Variants in TCF4 observed in about 807,000 individuals in gnomAD.
The protein encoded by TCF4 is SL3-3 enhancer factor 2.
In TCF4, 3 loss-of-function variants were observed where a neutral mutation model predicts 82.1. The observed-to-expected ratio is 0.04, with a 90% CI of 0.02 to 0.09. The LOEUF is 0.09. TCF4 is among the 10% of genes least tolerant of loss of function. TCF4 has a pLI of 1.00. For synonymous variants in TCF4, 276 were observed against 309.6 expected (o/e 0.89, Z 1.14); for missense variants, 518 against 852.7 (o/e 0.61, Z 4.89).
At position 55,501,244 on chromosome 18, in the gene TCF4, TA is replaced by T. The variant is rs1163126526; in HGVS notation, c.146-37108del. 2.0e-5 allele frequency among the ~76,000 whole-genome samples: 3 copies of T among 152,220 alleles called. No homozygotes were observed. In the East Asian group the frequency reaches 5.8e-4, roughly 29 times the overall value. On this transcript the variant is annotated intron_variant, in intron 3 of 19. Coordinates refer to ENST00000354452, the MANE Select transcript of TCF4 (RefSeq NM_001083962.2). ...ATCAAGCCACTCTTAGTATTCATTT[TA>T]GCATTTATGCAGTTTCCAGTGCCTT...
chr18:55,519,736 A>C (rs2096917638), intron 3 of TCF4, among the ~76,000 whole-genome samples: 1 of 152,194 alleles, frequency 6.6e-6, no homozygotes, highest in South Asian at 2.1e-4. Context: ...CCTGCTTAGC[A>C]TATGTGTAAC....
intron 6 of TCF4, among the ~76,000 whole-genome samples, chr18:55,402,886 C>T (rs576879273): frequency 1.3e-5 from 2 of 152,188 alleles, no homozygotes; most frequent in Admixed American, 6.5e-5. Flanking sequence ...TTCTAGCTCA[C>T]GCATGCTTCC....
intron 3 of TCF4, among the ~76,000 whole-genome samples, chr18:55,488,514 AG>A (rs993403270): frequency 6.6e-6 from 1 of 152,190 alleles, no homozygotes; most frequent in Non-Finnish European, 1.5e-5. Flanking sequence ...CAACTGAGCT[AG>A]GATAAAAATT....
chr18:55,249,968 C>G (rs1327349238), intron 15 of TCF4, among the ~76,000 whole-genome samples: 3 of 152,010 alleles, frequency 2.0e-5, no homozygotes, highest in Admixed American at 6.6e-5. Flanking sequence ...GGAAAATTGC[C>G]CTTTCCATAA....
intron 5 of TCF4, among the ~76,000 whole-genome samples, chr18:55,405,678 A>T (rs1246348430): frequency 6.6e-6 from 1 of 152,136 alleles, no homozygotes; most frequent in Admixed American, 6.5e-5. Context: ...AAAGGGCAGG[A>T]TTTTAAAAGG....
At chr18:55,567,406 T>C (rs1235216329) in intron 3 of TCF4, among the ~76,000 whole-genome samples, 1 of 152,240 alleles carries the variant, frequency 6.6e-6, no homozygotes, top group Admixed American at 6.5e-5. Context: ...AATCTACTTT[T>C]CTCAATAACA....
At chr18:55,376,065 A>G (rs923323657) in intron 6 of TCF4, among the ~76,000 whole-genome samples, 3 of 128,264 alleles carry the variant, frequency 2.3e-5, no homozygotes, top group Non-Finnish European at 3.1e-5. Context: ...TCTGTCACTC[A>G]GTCTTGAATG....
At chr18:55,595,910 T>A (rs977689862) in intron 2 of TCF4, among the ~76,000 whole-genome samples, 1 of 152,088 alleles carries the variant, frequency 6.6e-6, no homozygotes, top group Non-Finnish European at 1.5e-5. Context: ...TGGTCTCGTT[T>A]TCCCTTGCAT....
intron 6 of TCF4, among the ~76,000 whole-genome samples, chr18:55,391,362 T>C (rs1481786410): frequency 6.6e-6 from 1 of 151,948 alleles, no homozygotes; most frequent in Non-Finnish European, 1.5e-5. Context: ...ATAATATATA[T>C]ATTTTTTAAT....
intron 16 of TCF4, 35 bp downstream of exon 16, chr18:55,234,513 G>A (rs759092697): frequency 1.2e-6 from 2 of 1,614,146 alleles, no homozygotes; most frequent in South Asian, 1.1e-5. Flanking sequence ...TATTGTGAAA[G>A]TGAGGTCAGA....
intron 8 of TCF4, among the ~76,000 whole-genome samples, chr18:55,320,212 A>G (rs914862087): frequency 6.6e-6 from 1 of 152,150 alleles, no homozygotes; most frequent in African/African-American, 2.4e-5. Context: ...AAGATGTTAC[A>G]TAATCCCAAT....
rs569131420 is a variant in TCF4, at chr18:55,515,708, G to A, written c.146-51571C>T. Among the ~76,000 whole-genome samples, 229 of 152,310 alleles carry A rather than the reference G, an allele frequency of 1.5e-3. 2 individuals are homozygous for A. Among genetic ancestry groups the A allele is most frequent in the African/African-American group, 4.3e-3 (180 of 41,568 alleles). ...GAATCTTCAGAGAGTGTTGTGGAAAGAAGCCAGATCATGGCACATTATATA... is the reference window on the plus strand; with the variant it reads ...GAATCTTCAGAGAGTGTTGTGGAAAAAAGCCAGATCATGGCACATTATATA... On this transcript the variant is annotated intron_variant, in intron 3 of 19. Transcript: ENST00000354452.
At chr18:55,288,742 T>C (rs958109975) in intron 8 of TCF4, among the ~76,000 whole-genome samples, 1 of 152,160 alleles carries the variant, frequency 6.6e-6, no homozygotes, top group African/African-American at 2.4e-5. Flanking sequence ...CTTCCAGACA[T>C]GAAGTTGAGC....
At chr18:55,271,014 T>G (rs1330973207) in intron 10 of TCF4, among the ~76,000 whole-genome samples, 1 of 152,158 alleles carries the variant, frequency 6.6e-6, no homozygotes, top group Non-Finnish European at 1.5e-5. Flanking sequence ...TTAAAAATTG[T>G]TTATTTCAAA....
At chr18:55,319,183 C>T (rs2074895895) in intron 8 of TCF4, among the ~76,000 whole-genome samples, 1 of 152,166 alleles carries the variant, frequency 6.6e-6, no homozygotes, top group East Asian at 1.9e-4. Flanking sequence ...GATATTCAAC[C>T]TCCAAACGAT....
At chr18:55,307,567 C>T (rs1051410198) in intron 8 of TCF4, among the ~76,000 whole-genome samples, 2 of 152,184 alleles carry the variant, frequency 1.3e-5, no homozygotes, top group African/African-American at 2.4e-5. Context: ...ATTTTTAAAT[C>T]ATTCTGCCGG....
chr18:55,365,249 G>GTGTA (rs575625195), intron 6 of TCF4, among the ~76,000 whole-genome samples: 8 of 127,424 alleles, frequency 6.3e-5, no homozygotes, highest in African/African-American at 2.5e-4. Context: ...ATATGTGTGT[G>GTGTA]TATATATATA....
At chr18:55,482,935 C>A (rs889023088) in intron 3 of TCF4, 1 of 152,204 alleles carries the variant, frequency 6.6e-6, no homozygotes, top group South Asian at 2.1e-4. Flanking sequence ...TAAATGTCCT[C>A]CTCAATCAAG....
chr18:55,430,552 C>T (rs1035653851), intron 5 of TCF4, among the ~76,000 whole-genome samples: 2 of 152,086 alleles, frequency 1.3e-5, no homozygotes, highest in African/African-American at 4.8e-5. Context: ...AGCTACTGAG[C>T]AATGACATTA....
Sources: gnomAD v4.1 joint callset for allele counts (sites outside exome capture counted in the v4.1 genomes callset) on GRCh38, gnomAD v4.1.1 for gene constraint, MANE v1.5 for transcripts, NCBI Gene and HGNC (gene_info 2026-07-23, HGNC 2026-07-21) for gene names.